The following NRAP variants were observed in gnomAD, a reference collection of about 807,000 sequenced individuals.
The protein encoded by NRAP is nebulin-related-anchoring protein.
In NRAP, 189 loss-of-function variants were observed where a neutral mutation model predicts 225.9. That is an observed-to-expected ratio of 0.84 (90% CI 0.74 to 0.94). The LOEUF (loss-of-function observed/expected upper bound fraction) is 0.94, where lower values mean the gene tolerates loss of function less well. Among genes scored for constraint, NRAP ranks in the 40% least tolerant of loss-of-function variants. The probability of loss-of-function intolerance (pLI) is 0.00; values close to 1 mark genes in which losing one functional copy is unlikely to be tolerated. For missense variants in NRAP, 2,176 were observed against 2,168.7 expected (o/e 1.00, Z -0.07); for synonymous variants, 769 against 790.7 (o/e 0.97, Z 0.46).
Position 113,612,205 on chromosome 10 carries a change from G to A in NRAP, c.3498+29C>T. 5 of 1,592,886 alleles carry A rather than the reference G, an allele frequency of 3.1e-6. 1 individual carries two copies. Among genetic ancestry groups the A allele is most frequent in the South Asian group, 2.2e-5 (2 of 90,490 alleles). Reference sequence around the variant, plus strand: ...CCCTGAGGTCCTAAGAGAAGAAGGGGCCCTGAGAAAGAGGCCAGGTCTCCT... The same window carrying A: ...CCCTGAGGTCCTAAGAGAAGAAGGGACCCTGAGAAAGAGGCCAGGTCTCCT... On this transcript the variant is annotated intron_variant, in intron 30 of 41. Coordinates refer to ENST00000359988, the MANE Select transcript of NRAP (RefSeq NM_198060.4).
intron 38 of NRAP, among the ~76,000 whole-genome samples, chr10:113,594,858 A>G (rs1039359336): frequency 1.3e-5 from 2 of 152,246 alleles, no homozygotes; most frequent in African/African-American, 4.8e-5. Flanking sequence ...CACAATGGCC[A>G]GGCCAGGGAG....
At chr10:113,652,668 G>A (rs4917664) in intron 6 of NRAP, among the ~76,000 whole-genome samples, 49,188 of 151,756 alleles carry the variant, frequency 0.32, 8,593 homozygotes, top group African/African-American at 0.47. Context: ...ATAATAATGT[G>A]TTCAGTGCTA....
rs1367237462 is a variant in NRAP at position 113,647,139 on chromosome 10, T to C, written c.889-112A>G. 9 of 729,880 alleles carry C rather than the reference T, an allele frequency of 1.2e-5. No homozygotes were observed. In the East Asian group the frequency reaches 1.8e-4, roughly 14 times the overall value. The allele number at this position is 729,880 out of a possible 1,614,324, so 45.2% of individuals were successfully genotyped here. On this transcript the variant is annotated intron_variant, in intron 9 of 41. Coordinates refer to ENST00000359988, the MANE Select transcript of NRAP (RefSeq NM_198060.4). ...CTCACAGAGGTTCATCCACCTTGGG[T>C]ATTTCACTGATGTCCATGTGGTAGT... is the stretch of plus-strand genomic sequence containing the variant.
intron 14 of NRAP, among the ~76,000 whole-genome samples, chr10:113,634,455 A>G (rs1848749746): frequency 6.6e-6 from 1 of 152,216 alleles, no homozygotes; most frequent in South Asian, 2.1e-4. Context: ...ACATACAGAA[A>G]GATGCTCAGC....
At position 113,647,004 on chromosome 10, in the gene NRAP, C is replaced by T; in HGVS notation, c.912G>A (p.Glu304=). 1.2e-6 allele frequency: 2 copies of T among 1,613,744 alleles called. No individual in the cohort carries two copies. Among genetic ancestry groups the T allele is most frequent in the South Asian group, 1.1e-5 (1 of 91,080 alleles). Reference sequence around the variant, plus strand: ...CTGGGAAGCTGCCCTTTCCCCTGTGCTCCTCATACTCCTCCGGGTAACCCT... The same window carrying T: ...CTGGGAAGCTGCCCTTTCCCCTGTGTTCCTCATACTCCTCCGGGTAACCCT... ...YGQGYPEEYE[E]HRGKGSFPAM... is the part of the protein sequence containing the mutation. The change falls in exon 10 of 42, where the codon GAG becomes GAA. Residue 304 remains glutamate, a synonymous_variant. Coordinates refer to ENST00000359988, the MANE Select transcript of NRAP (RefSeq NM_198060.4).
At position 113,662,772 on chromosome 10, in the gene NRAP, A is replaced by T; in HGVS notation, c.168-6T>A. On this transcript the variant is annotated splice_polypyrimidine_tract_variant and splice_region_variant and intron_variant, in intron 2 of 41. Transcript: ENST00000359988. ...TGTTGTTCTTAGGGTTATGGCTACA[A>T]CAAATAGGTATAAATCAAAATTAGA... 1 of 1,455,666 alleles carries T rather than the reference A, an allele frequency of 6.9e-7. No homozygotes were observed. The highest frequency in any genetic ancestry group is 9.6e-7 in the Non-Finnish European group (1 of 1,040,236). 90.2% of individuals were successfully genotyped at this position (1,455,666 alleles called of 1,614,324 possible). A position where few individuals can be genotyped will look rare whatever the true frequency, so the allele number is the denominator to read the frequency against.
In NRAP at chr10:113,614,176, C is replaced by T. The variant is rs373113525; in HGVS notation, c.3300+7G>A. On this transcript the variant is annotated splice_region_variant and intron_variant, in intron 29 of 41. Coordinates refer to ENST00000359988, the MANE Select transcript of NRAP (RefSeq NM_198060.4). ...CTGCAGCCGCTGATGCCTCTCCCCC[C>T]ACTTACATCACTCTGCAGTGAGGTC... The T allele has an allele frequency of 1.3e-6, 2 of 1,589,136 alleles. No individual in the cohort carries two copies. The highest frequency in any genetic ancestry group is 1.7e-6 in the Non-Finnish European group (2 of 1,157,176).
chr10:113,623,672 C>T (rs762020605), intron 22 of NRAP, 36 bp from the exon 23 acceptor site: 2 of 1,390,772 alleles, frequency 1.4e-6, no homozygotes, highest in Non-Finnish European at 1.0e-6. Flanking sequence ...AGTGGGTTTT[C>T]ATGTGAGAGG....
At chr10:113,617,366 G>A (rs1288193273) in intron 26 of NRAP, 89 bp downstream of exon 26, 1 of 836,272 alleles carries the variant, frequency 1.2e-6, no homozygotes, top group Non-Finnish European at 2.1e-6. Context: ...ACAACAGAAG[G>A]AGCAAACCCA....
intron 13 of NRAP, among the ~76,000 whole-genome samples, chr10:113,641,112 T>C (rs1740728025): frequency 6.6e-6 from 1 of 152,236 alleles, no homozygotes; most frequent in Non-Finnish European, 1.5e-5. Flanking sequence ...ACTGGATTCA[T>C]TATAATAGAC....
chr10:113,660,657 A>C (rs950643081), intron 3 of NRAP, among the ~76,000 whole-genome samples: 3 of 152,206 alleles, frequency 2.0e-5, no homozygotes, highest in African/African-American at 7.2e-5. Flanking sequence ...GACATTATGG[A>C]TCTTTCTGTA....
intron 38 of NRAP, among the ~76,000 whole-genome samples, chr10:113,592,717 G>A (rs1308816940): frequency 3.3e-5 from 5 of 152,174 alleles, no homozygotes; most frequent in Admixed American, 3.3e-4. Context: ...CTTGGGCCTT[G>A]GCACTCATGT....
intron 3 of NRAP, among the ~76,000 whole-genome samples, chr10:113,658,351 C>T (rs1156232145): frequency 1.3e-5 from 2 of 152,102 alleles, no homozygotes; most frequent in Admixed American, 6.6e-5. Flanking sequence ...TTTTTATATT[C>T]GTTCAGAATC....
chr10:113,664,036 C>G lies in NRAP; in HGVS notation c.-154G>C. On this transcript the variant is annotated 5_prime_UTR_variant, in exon 1 of 42. Coordinates refer to ENST00000359988, the MANE Select transcript of NRAP (RefSeq NM_198060.4). Reference sequence around the variant, plus strand: ...TCCAACTTCCACTTTCCTTTGCTGACCTTCTAGTTTGAAGTCAGCAGTTGG... The same window carrying G: ...TCCAACTTCCACTTTCCTTTGCTGAGCTTCTAGTTTGAAGTCAGCAGTTGG... 1.6e-6 allele frequency: 1 copy of G among 633,182 alleles called. No homozygotes were observed. Among genetic ancestry groups the G allele is most frequent in the Admixed American group, 2.6e-5 (1 of 39,060 alleles). The allele number at this position is 633,182 out of a possible 1,614,324, so 39.2% of individuals were successfully genotyped here.
At chr10:113,654,756 A>G (rs1365123769) in intron 4 of NRAP, among the ~76,000 whole-genome samples, 1 of 152,202 alleles carries the variant, frequency 6.6e-6, no homozygotes, top group Non-Finnish European at 1.5e-5. Context: ...GTAGAGGCCA[A>G]GGGAGAACGA....
chr10:113,656,581 C>T (rs960114735), intron 4 of NRAP, among the ~76,000 whole-genome samples: 1 of 152,138 alleles, frequency 6.6e-6, no homozygotes, highest in Non-Finnish European at 1.5e-5. Context: ...ACAAGTAATA[C>T]TAGCTGATAT....
At chr10:113,626,579 T>C (rs1262871910) in intron 20 of NRAP, among the ~76,000 whole-genome samples, 1 of 152,066 alleles carries the variant, frequency 6.6e-6, no homozygotes, top group Non-Finnish European at 1.5e-5. Context: ...GAGTGTACAA[T>C]GGGGACAACA....
chr10:113,662,630 A>ACCAATCATTCT, intron 3 of NRAP, 49 bp downstream of exon 3: 1 of 983,096 alleles, frequency 1.0e-6, no homozygotes, highest in South Asian at 1.3e-5. Flanking sequence ...CTACCCAGTA[A>ACCAATCATTCT]CCAATCATTC....
chr10:113,650,328 AC>A (rs1849865914), intron 8 of NRAP, 109 bp downstream of exon 8: 1 of 868,294 alleles, frequency 1.2e-6, no homozygotes, highest in Admixed American at 2.0e-5. Flanking sequence ...AAGGAAAACT[AC>A]TCCCTGGCTT....
Sources: allele counts gnomAD v4.1 joint callset (sites outside exome capture counted in the v4.1 genomes callset), GRCh38; gene constraint gnomAD v4.1.1; transcripts MANE v1.5; gene names NCBI Gene and HGNC (gene_info 2026-07-23, HGNC 2026-07-21).